The following USP12 variants were observed in gnomAD, a reference collection of about 807,000 sequenced individuals.
USP12 encodes ubiquitin carboxyl-terminal hydrolase 12.
Under a neutral mutation model 45.5 loss-of-function variants are expected in USP12, and 19 were observed. That is an observed-to-expected ratio of 0.42 (90% CI 0.29 to 0.61). The LOEUF is 0.61. Ranked by LOEUF, USP12 falls within the 20% of genes least tolerant of loss-of-function variation. USP12 has a pLI of 0.22. For synonymous variants in USP12, 149 were observed against 148.8 expected (o/e 1.00, Z -0.01); for missense variants, 242 against 447.7 (o/e 0.54, Z 4.15).
intron 6 of USP12, among the ~76,000 whole-genome samples, chr13:27,084,232 G>A (rs570712842): frequency 6.7e-6 from 1 of 149,070 alleles, no homozygotes; most frequent in East Asian, 2.0e-4. Context: ...TCCTGTCTGG[G>A]TGTGGTGGCT....
intron 1 of USP12, among the ~76,000 whole-genome samples, chr13:27,127,878 T>C (rs1388515829): frequency 1.3e-5 from 2 of 152,220 alleles, no homozygotes; most frequent in Admixed American, 6.5e-5. Flanking sequence ...AAGTTACATA[T>C]CTGAATCAAT....
chr13:27,067,703 A>G lies in USP12; in HGVS notation c.*1580T>C, dbSNP rs189085681. 2.1e-4 allele frequency: 32 copies of G among 152,336 alleles called. No individual in the cohort carries two copies. The highest frequency in any genetic ancestry group is 1.6e-3 in the Admixed American group (24 of 15,292). 9.4% of individuals were successfully genotyped at this position (152,336 alleles called of 1,614,324 possible). On this transcript the variant is annotated 3_prime_UTR_variant, in exon 9 of 9. Transcript: ENST00000282344. ...TTCCTTTTTGTTGTTTTCCATAGTC[A>G]ACAGTTTTAGCAAAAGGACTTTAGA...
At chr13:27,165,796 A>G (rs1400854424) in intron 1 of USP12, among the ~76,000 whole-genome samples, 2 of 152,196 alleles carry the variant, frequency 1.3e-5, no homozygotes, top group African/African-American at 4.8e-5. Flanking sequence ...AGAAAAATGT[A>G]TTTAGACTGT....
chr13:27,126,137 T>C (rs1369034538), intron 1 of USP12, among the ~76,000 whole-genome samples: 1 of 152,218 alleles, frequency 6.6e-6, no homozygotes, highest in Non-Finnish European at 1.5e-5. Flanking sequence ...AGCATGGTGT[T>C]TCGAGCTCTG....
intron 3 of USP12, among the ~76,000 whole-genome samples, chr13:27,103,606 AAAAT>A (rs530123120): frequency 0.053 from 6,318 of 118,250 alleles, 165 homozygotes; most frequent in Admixed American, 0.1. Context: ...ATCAAAAAAA[AAAAT>A]AATAATAATA....
intron 1 of USP12, among the ~76,000 whole-genome samples, chr13:27,161,453 G>C (rs1249825938): frequency 1.3e-5 from 2 of 151,978 alleles, no homozygotes; most frequent in South Asian, 2.1e-4. Context: ...CTCTAATTTT[G>C]AAAGTCTCTT....
At chr13:27,125,248 TAAGA>T (rs1319006059) in intron 1 of USP12, among the ~76,000 whole-genome samples, 3 of 152,122 alleles carry the variant, frequency 2.0e-5, no homozygotes, top group African/African-American at 7.2e-5. Flanking sequence ...TACAAAAGCA[TAAGA>T]AAAATTTCAA....
intron 2 of USP12, among the ~76,000 whole-genome samples, chr13:27,113,521 G>A (rs1313745402): frequency 1.3e-5 from 2 of 152,252 alleles, no homozygotes; most frequent in East Asian, 1.9e-4. Flanking sequence ...CTCCAGCAGA[G>A]TAGACCAGAC....
chr13:27,108,333 T>C (rs1875251776), intron 2 of USP12, among the ~76,000 whole-genome samples: 1 of 149,932 alleles, frequency 6.7e-6, no homozygotes, highest in Non-Finnish European at 1.5e-5. Flanking sequence ...AATTGAACAA[T>C]GAGAACACAT....
intron 6 of USP12, among the ~76,000 whole-genome samples, chr13:27,088,409 T>A (rs1874165064): frequency 1.1e-5 from 1 of 89,876 alleles, no homozygotes. Context: ...AGAGCGAGAC[T>A]CCGTCTCAAA....
intron 1 of USP12, among the ~76,000 whole-genome samples, chr13:27,171,089 C>A (rs939359476): frequency 2.0e-5 from 3 of 151,400 alleles, no homozygotes; most frequent in African/African-American, 7.3e-5. Flanking sequence ...GCCCGCCGAC[C>A]CCCACCCCTC....
chr13:27,084,368 T>C (rs1873909479), intron 6 of USP12, among the ~76,000 whole-genome samples: 1 of 151,766 alleles, frequency 6.6e-6, no homozygotes, highest in African/African-American at 2.4e-5. Context: ...TAGCTGGGCA[T>C]GGTGGCGCAC....
chr13:27,069,460 C>T (rs9512534), intron 8 of USP12, 76 bp from the exon 9 acceptor site: 408,491 of 1,025,406 alleles, frequency 0.4, 87,803 homozygotes, highest in South Asian at 0.57. Flanking sequence ...AAAAGACTGA[C>T]AATACCAAGT....
At chr13:27,070,416 C>T (rs2484113) in intron 8 of USP12, among the ~76,000 whole-genome samples, 146,580 of 152,232 alleles carry the variant, frequency 0.96, 70,814 homozygotes, top group East Asian at 1. Flanking sequence ...TGAGTATGGC[C>T]ATGTGTGTGT....
intron 1 of USP12, among the ~76,000 whole-genome samples, chr13:27,132,893 T>A (rs1346579968): frequency 1.3e-5 from 2 of 152,228 alleles, no homozygotes; most frequent in African/African-American, 2.4e-5. Flanking sequence ...CCAGCCACTC[T>A]GAAGGGGACA....
chr13:27,095,077 C>A (rs1212944567), intron 4 of USP12, among the ~76,000 whole-genome samples: 1 of 152,136 alleles, frequency 6.6e-6, no homozygotes, highest in African/African-American at 2.4e-5. Flanking sequence ...ATTGCTTGAG[C>A]CCAGGAAGTC....
chr13:27,161,324 C>A (rs977835140), intron 1 of USP12, among the ~76,000 whole-genome samples: 1 of 152,182 alleles, frequency 6.6e-6, no homozygotes, highest in South Asian at 2.1e-4. Flanking sequence ...TGTTCATCTA[C>A]AGAATCTCAA....
chr13:27,093,400 G>C (rs1874414293), intron 4 of USP12, among the ~76,000 whole-genome samples: 1 of 151,728 alleles, frequency 6.6e-6, no homozygotes, highest in African/African-American at 2.4e-5. Context: ...TCACTAAAGA[G>C]ATATAGATGA....
chr13:27,152,175 C>T (rs575290637), intron 1 of USP12, among the ~76,000 whole-genome samples: 1 of 152,318 alleles, frequency 6.6e-6, no homozygotes, highest in South Asian at 2.1e-4. Context: ...AAAAAGCTTG[C>T]ACCCCCAATG....
Sources: gnomAD v4.1 joint callset for allele counts (sites outside exome capture counted in the v4.1 genomes callset) on GRCh38, gnomAD v4.1.1 for gene constraint, MANE v1.5 for transcripts, NCBI Gene and HGNC (gene_info 2026-07-23, HGNC 2026-07-21) for gene names.